Variants in CPNE7 observed in about 807,000 individuals in gnomAD.
The protein encoded by CPNE7 is copine 7.
In CPNE7, 78 loss-of-function variants were observed where a neutral mutation model predicts 66.5. The ratio of observed to expected loss-of-function variants is 1.17; its 90% confidence interval spans 0.98 to 1.42. CPNE7 has a LOEUF of 1.42. Among genes scored for constraint, CPNE7 ranks in the 40% most tolerant of loss-of-function variants. The pLI, the probability that CPNE7 is intolerant of heterozygous loss-of-function variation, is 0.00. For synonymous variants in CPNE7, 468 were observed against 336.7 expected (o/e 1.39, Z -4.27); for missense variants, 1,012 against 776.6 (o/e 1.30, Z -3.60).
rs1297149654 is a variant in CPNE7, at chr16:89,595,647, C to G, written c.1539+44C>G. On this transcript the variant is annotated intron_variant, in intron 14 of 14. Coordinates refer to ENST00000319518, the MANE Select transcript of CPNE7 (RefSeq NM_153636.3). ...CTCCGTCAAGGCCGGCTTGGGGGTC[C>G]CTGTTCATGTCACTGCCCAAGACCT... The G allele has an allele frequency of 2.6e-5, 39 of 1,527,914 alleles. No individual in the cohort carries two copies. In the Admixed American group the frequency reaches 6.2e-4, roughly 24 times the overall value. 94.6% of individuals were successfully genotyped at this position (1,527,914 alleles called of 1,614,324 possible). A position where few individuals can be genotyped will look rare whatever the true frequency, so the allele number is the denominator to read the frequency against.
rs1454995454 is a variant in CPNE7 at position 89,583,751 on chromosome 16, G to A, written c.412G>A (p.Ala138Thr). The A allele has an allele frequency of 5.0e-6, 8 of 1,612,726 alleles. No individual in the cohort carries two copies. In the South Asian group the frequency reaches 5.5e-5, roughly 11 times the overall value. Residue 138 changes from alanine (A) to threonine (T), a missense_variant, in exon 3 of 15, where the codon GCT (alanine) becomes ACT (threonine). Ala to Thr is a moderately conservative substitution (Grantham distance 58). Transcript: ENST00000319518. ...RPLLLKFGRN[A>T]GKSTITVIAE... ...GCTGCTGCTCAAGTTTGGCAGGAAC[G>A]CTGGCAAGTCCACCATCACGGTGAG...
Position 89,585,629 on chromosome 16 carries a change from G to A in CPNE7, c.682-58G>A, listed in dbSNP as rs112310313. ...GGCTGCGATGGAGACACCTGGGCTC[G>A]GGTGGGAGGGTCCTGGGGCCCCCAG... On this transcript the variant is annotated intron_variant, in intron 6 of 14. Transcript: ENST00000319518. 6,033 of 1,548,794 alleles carry A rather than the reference G, an allele frequency of 3.9e-3. 30 individuals are homozygous for A. The highest frequency in any genetic ancestry group is 4.9e-3 in the Non-Finnish European group (5,559 of 1,139,326).
chr16:89,592,705 G>C (rs1431704255), intron 13 of CPNE7, among the ~76,000 whole-genome samples: 2 of 150,556 alleles, frequency 1.3e-5, no homozygotes, highest in African/African-American at 4.9e-5. Context: ...GCCTCCCAAA[G>C]TGCTGGGATT....
Position 89,595,511 on chromosome 16 carries a change from C to G in CPNE7, c.1447C>G (p.Leu483Val), listed in dbSNP as rs752239320. 2 of 1,612,658 alleles carry G rather than the reference C, an allele frequency of 1.2e-6. No homozygotes were observed. Among genetic ancestry groups the G allele is most frequent in the Non-Finnish European group, 1.7e-6 (2 of 1,179,908 alleles). Residue 483 changes from leucine (L) to valine (V), a missense_variant, in exon 14 of 15, where the codon CTG (leucine) becomes GTG (valine). Coordinates refer to ENST00000319518, the MANE Select transcript of CPNE7 (RefSeq NM_153636.3). ...GNADFTDMQVLDGDDGVLRSP... is the reference protein window; with the variant it reads ...GNADFTDMQVVDGDDGVLRSP... ...CGCCGACTTCACCGACATGCAGGTC[C>G]TGGACGGCGACGACGGCGTCCTGCG...
In CPNE7 at chr16:89,594,899, G is replaced by A. The variant is rs528748810; in HGVS notation, c.1303-468G>A. On this transcript the variant is annotated intron_variant, in intron 13 of 14. Transcript: ENST00000319518. ...ACTCCTGACCTCAGGTGATCCGCCC[G>A]CCTCGGCCTCCCAAAGTGCTGAGAT... 7.2e-5 allele frequency among the ~76,000 whole-genome samples: 11 copies of A among 151,934 alleles called. No homozygotes were observed. In the East Asian group the frequency reaches 1.7e-3, roughly 24 times the overall value.
chr16:89,583,164 C>A (rs2058981059), intron 2 of CPNE7, among the ~76,000 whole-genome samples: 1 of 152,244 alleles, frequency 6.6e-6, no homozygotes, highest in Admixed American at 6.5e-5. Context: ...TGCTCCTTGG[C>A]ACCTTCGAAG....
intron 2 of CPNE7, chr16:89,583,468 G>A (rs1337046439): frequency 6.4e-7 from 1 of 1,550,866 alleles, no homozygotes; most frequent in Admixed American, 2.0e-5. Flanking sequence ...GCCTCCCCTG[G>A]GCGACTGCTG....
At chr16:89,580,172 C>A (rs1597694298) in intron 2 of CPNE7, among the ~76,000 whole-genome samples, 1 of 43,178 alleles carries the variant, frequency 2.3e-5, no homozygotes. Flanking sequence ...CCGTCACCCG[C>A]TGACACAGAA....
chr16:89,585,419 CCA>C (rs749331828), intron 5 of CPNE7, 43 bp from the exon 6 acceptor site: 7 of 1,407,490 alleles, frequency 5.0e-6, no homozygotes, highest in Admixed American at 1.7e-5. Context: ...CCCAAGGATC[CCA>C]GGGCCCTGGG....
rs754462741 is a variant in CPNE7, at chr16:89,585,506, G to A, written c.634G>A (p.Val212Ile). 2.5e-6 allele frequency: 4 copies of A among 1,612,386 alleles called. No homozygotes were observed. Among genetic ancestry groups the A allele is most frequent in the South Asian group, 1.1e-5 (1 of 90,880 alleles). ...GAACCCGGTGTGGGAGGCCTTCAAAGTCTCTCTGAGTTCCCTCTGCAGCTG... is the reference window on the plus strand; with the variant it reads ...GAACCCGGTGTGGGAGGCCTTCAAAATCTCTCTGAGTTCCCTCTGCAGCTG... ...NLNPVWEAFK[V>I]SLSSLCSCEE... Residue 212 changes from valine (V) to isoleucine (I), a missense_variant, in exon 6 of 15, where the codon GTC (valine) becomes ATC (isoleucine). Val to Ile is a conservative substitution (Grantham distance 29). Transcript: ENST00000319518.
chr16:89,594,664 T>G (rs1045908916), intron 13 of CPNE7, among the ~76,000 whole-genome samples: 110 of 109,304 alleles, frequency 1.0e-3, no homozygotes, highest in Non-Finnish European at 1.3e-3. Flanking sequence ...TTTTTTTTTT[T>G]TTTTTTTGGA....
At position 89,588,703 on chromosome 16, in the gene CPNE7, G is replaced by C; in HGVS notation, c.956G>C (p.Gly319Ala). ...TVAIDFTASN[G>A]DPRNSCSLHY... ...GCCATTGACTTCACCGCCTCCAATG[G>C]AGACCCGCGGAACAGCTGCTCCCTG... The change falls in exon 10 of 15, where the codon GGA (glycine) becomes GCA (alanine). Residue 319 changes from glycine (G) to alanine (A), a missense_variant. Gly to Ala is a moderately conservative substitution (Grantham distance 60). Coordinates refer to ENST00000319518, the MANE Select transcript of CPNE7 (RefSeq NM_153636.3). 3 of 1,613,388 alleles carry C rather than the reference G, an allele frequency of 1.9e-6. No homozygotes were observed. The highest frequency in any genetic ancestry group is 2.5e-6 in the Non-Finnish European group (3 of 1,179,944).
chr16:89,586,914 A>T, intron 8 of CPNE7, 129 bp from the exon 9 acceptor site: 1 of 1,101,850 alleles, frequency 9.1e-7, no homozygotes, highest in South Asian at 1.3e-5. Flanking sequence ...GGGAGAGAGG[A>T]TGGGGGAGAG....
In CPNE7 at chr16:89,584,971, G is replaced by A. The variant is rs1490668127; in HGVS notation, c.591+114G>A. On this transcript the variant is annotated intron_variant, in intron 5 of 14. Transcript: ENST00000319518. The surrounding 1 kb of genome is among the most constrained non-coding windows in gnomAD (Gnocchi z 6.0). ...CTCCAACAGGGAGCTGTGGGCGCAG[G>A]GCTTTGGTGGCTGTGGCTATGGCCA... is the stretch of plus-strand genomic sequence containing the variant. 5 of 934,200 alleles carry A rather than the reference G, an allele frequency of 5.4e-6. No homozygotes were observed. The highest frequency in any genetic ancestry group is 1.6e-5 in the African/African-American group (1 of 61,956). 57.9% of individuals were successfully genotyped at this position (934,200 alleles called of 1,614,324 possible).
chr16:89,584,037 G>T lies in CPNE7; in HGVS notation c.442G>T (p.Glu148Ter). 6.2e-7 allele frequency: 1 copy of T among 1,612,222 alleles called. No individual in the cohort carries two copies. Among genetic ancestry groups the T allele is most frequent in the Non-Finnish European group, 8.5e-7 (1 of 1,179,658 alleles). ...GGCGTCCCCCTGCCAGGTGATCGCC[G>T]AGGACATCTCGGGGAACAACGGCTA... ...AGKSTITVIA[E>*]DISGNNGYVE... Residue 148 changes from glutamate to a stop codon, truncating the protein, a stop_gained, in exon 4 of 15, where the codon GAG (glutamate) becomes TAG (stop). Transcript: ENST00000319518. LOFTEE classifies it high-confidence loss of function. This position sits in a 1 kb window ranked among gnomAD's most constrained non-coding sequence, Gnocchi z 6.0.
intron 2 of CPNE7, among the ~76,000 whole-genome samples, chr16:89,582,263 T>A (rs2058967617): frequency 6.6e-6 from 1 of 152,174 alleles, no homozygotes; most frequent in Non-Finnish European, 1.5e-5. Context: ...CTCAACTGTT[T>A]CCTCATGTGA....
rs537915467 is a variant in CPNE7 at position 89,586,456 on chromosome 16, C to T, written c.781-214C>T. ...GCCTCAGTGTCCTTGGGCTTAATGA[C>T]AGGGCCATGCCGGGTGGGGGATGCA... On this transcript the variant is annotated intron_variant, in intron 7 of 14. Coordinates refer to ENST00000319518, the MANE Select transcript of CPNE7 (RefSeq NM_153636.3). 2.0e-5 allele frequency among the ~76,000 whole-genome samples: 3 copies of T among 151,954 alleles called. No homozygotes were observed. The South Asian group carries it at 6.2e-4, about 32-fold the overall frequency.
chr16:89,583,925 C>T, intron 3 of CPNE7, 103 bp from the exon 4 acceptor site: 1 of 1,487,058 alleles, frequency 6.7e-7, no homozygotes, highest in Non-Finnish European at 9.2e-7. Flanking sequence ...CACCTCCTCT[C>T]AGGCCCCGCT....
intron 11 of CPNE7, among the ~76,000 whole-genome samples, chr16:89,590,299 C>G (rs2059148151): frequency 1.3e-5 from 2 of 152,084 alleles, no homozygotes; most frequent in Admixed American, 6.5e-5. Flanking sequence ...CCGAGGCGGG[C>G]CGATTACCTG....
Sources: gnomAD v4.1 joint callset for allele counts (sites outside exome capture counted in the v4.1 genomes callset) on GRCh38, gnomAD v4.1.1 for gene constraint, Gnocchi (gnomAD v3.1) non-coding constraint, MANE v1.5 for transcripts, NCBI Gene and HGNC (gene_info 2026-07-23, HGNC 2026-07-21) for gene names.